The following PSMA3 variants were observed in gnomAD, a reference collection of about 807,000 sequenced individuals.
PSMA3 encodes the protein proteasome 20S subunit alpha 3.
Under a neutral mutation model 40.0 loss-of-function variants are expected in PSMA3, and 8 were observed. The ratio of observed to expected loss-of-function variants is 0.20; its 90% CI spans 0.12 to 0.36. The LOEUF is 0.36. Ranked by LOEUF, PSMA3 falls within the 10% of genes least tolerant of loss-of-function variation. The pLI, the probability that PSMA3 is intolerant of heterozygous loss-of-function variation, is 1.00. For synonymous variants in PSMA3, 110 were observed against 100.0 expected, an observed-to-expected ratio of 1.10 and a Z score of -0.59; for missense variants, 219 against 310.6, an observed-to-expected ratio of 0.70 and a Z score of 2.22.
chr14:58,255,944 C>A (rs1305708581), intron 3 of PSMA3, among the ~76,000 whole-genome samples: 1 of 152,054 alleles, frequency 6.6e-6, no homozygotes, highest in African/African-American at 2.4e-5. Flanking sequence ...CTGCAGCCTC[C>A]GCCTCCCGAG....
chr14:58,249,350 T>A (rs965008815), intron 2 of PSMA3, among the ~76,000 whole-genome samples: 56 of 152,204 alleles, frequency 3.7e-4, no homozygotes, highest in African/African-American at 1.3e-3. Context: ...TAAAAAAAAA[T>A]GTTTATTTAT....
intron 2 of PSMA3, among the ~76,000 whole-genome samples, chr14:58,249,165 G>A (rs1034263258): frequency 1.3e-5 from 2 of 151,780 alleles, no homozygotes; most frequent in African/African-American, 2.4e-5. Context: ...TCTCCATGTT[G>A]GTCAGGCTGG....
intron 3 of PSMA3, among the ~76,000 whole-genome samples, chr14:58,253,400 T>G (rs1045600285): frequency 5.3e-5 from 8 of 152,192 alleles, no homozygotes; most frequent in African/African-American, 1.7e-4. Flanking sequence ...AAAAGACACC[T>G]TATATGACCC....
chr14:58,246,777 T>C (rs929159276), intron 1 of PSMA3, among the ~76,000 whole-genome samples: 5 of 152,240 alleles, frequency 3.3e-5, no homozygotes, highest in African/African-American at 1.2e-4. Context: ...TCGTCTAAGC[T>C]ACTACCGCTA....
intron 2 of PSMA3, among the ~76,000 whole-genome samples, chr14:58,249,466 A>G (rs1055554812): frequency 6.6e-6 from 1 of 152,196 alleles, no homozygotes; most frequent in South Asian, 2.1e-4. Flanking sequence ...ATGGGATTAC[A>G]GGTGTGAGTC....
chr14:58,247,810 A>G lies in PSMA3; in HGVS notation c.82A>G (p.Met28Val), dbSNP rs745370797. 8 of 1,603,418 alleles carry G rather than the reference A, an allele frequency of 5.0e-6. No homozygotes were observed. The highest frequency in any genetic ancestry group is 6.0e-6 in the Non-Finnish European group (7 of 1,171,082). Residue 28 changes from methionine (M) to valine (V), a missense_variant, in exon 2 of 11, where the codon ATG becomes GTG. By Grantham distance (21) the Met-to-Val change is conservative (BLOSUM62 1). Coordinates refer to ENST00000216455, the MANE Select transcript of PSMA3 (RefSeq NM_002788.4). The part of the protein sequence containing the change: ...DGRVFQVEYA[M>V]KAVENSSTAI... Reference sequence around the variant, plus strand: ...AAGAGTTTTTCAAGTTGAATATGCTATGAAGGCTGTGGAAAATAGTAGGTA... The same window carrying G: ...AAGAGTTTTTCAAGTTGAATATGCTGTGAAGGCTGTGGAAAATAGTAGGTA...
Position 58,259,475 on chromosome 14 carries a change from C to T in PSMA3, c.405-1473C>T, listed in dbSNP as rs1200604010. Among the ~76,000 whole-genome samples, 5 of 152,170 alleles carry T rather than the reference C, an allele frequency of 3.3e-5. No individual in the cohort carries two copies. The East Asian group carries it at 5.8e-4, about 18-fold the overall frequency. ...GATTACAAGCACCTGCCACCACGCC[C>T]GGCTAATTTTTTTATTTTTAGTACA... is the stretch of plus-strand genomic sequence containing the variant. On this transcript the variant is annotated intron_variant, in intron 5 of 10. Transcript: ENST00000216455.
chr14:58,252,378 A>G, intron 3 of PSMA3, 136 bp downstream of exon 3: 1 of 1,170,808 alleles, frequency 8.5e-7, no homozygotes, highest in African/African-American at 1.6e-5. Context: ...GTCCAGTAGA[A>G]AGGCAGCATT....
intron 2 of PSMA3, among the ~76,000 whole-genome samples, chr14:58,249,785 T>C (rs1889964080): frequency 6.6e-6 from 1 of 152,284 alleles, no homozygotes; most frequent in African/African-American, 2.4e-5. Context: ...GTATTATAGG[T>C]GTGAGCCACC....
intron 2 of PSMA3, among the ~76,000 whole-genome samples, chr14:58,248,742 G>T (rs1889934211): frequency 6.6e-6 from 1 of 151,374 alleles, no homozygotes; most frequent in African/African-American, 2.4e-5. Context: ...ATCACCTGAG[G>T]TCAGGAGTTT....
chr14:58,246,727 TTACTC>T (rs941695776), intron 1 of PSMA3, among the ~76,000 whole-genome samples: 5 of 152,180 alleles, frequency 3.3e-5, no homozygotes, highest in African/African-American at 7.2e-5. Context: ...TTTTTATATT[TTACTC>T]TACTCTCAAA....
intron 5 of PSMA3, 117 bp from the exon 6 acceptor site, chr14:58,260,831 A>T: frequency 1.6e-6 from 1 of 627,594 alleles, no homozygotes; most frequent in Non-Finnish European, 2.8e-6. Flanking sequence ...TTACTGAGTT[A>T]TATGTGTATT....
chr14:58,259,493 T>G (rs1485420789), intron 5 of PSMA3, among the ~76,000 whole-genome samples: 1 of 152,116 alleles, frequency 6.6e-6, no homozygotes, highest in Non-Finnish European at 1.5e-5. Flanking sequence ...TTTTTTATTT[T>G]TAGTACAGTC....
At chr14:58,261,370 GC>G in intron 6 of PSMA3, among the ~76,000 whole-genome samples, 1 of 151,844 alleles carries the variant, frequency 6.6e-6, no homozygotes, top group Non-Finnish European at 1.5e-5. Context: ...GTAGAAACAG[GC>G]CTTTGCCATG....
intron 7 of PSMA3, chr14:58,265,746 T>C (rs1185609794): frequency 2.6e-5 from 4 of 152,234 alleles, no homozygotes; most frequent in African/African-American, 9.6e-5. Flanking sequence ...CTTTTTAGGA[T>C]GCAATTAATT....
At chr14:58,255,183 G>A (rs1890115562) in intron 3 of PSMA3, among the ~76,000 whole-genome samples, 1 of 75,728 alleles carries the variant, frequency 1.3e-5, no homozygotes, top group African/African-American at 5.3e-5. Context: ...AAACTTAGTA[G>A]CCGTTTTTTT....
chr14:58,245,078 T>TG, intron 1 of PSMA3, 137 bp downstream of exon 1: 1 of 1,113,816 alleles, frequency 9.0e-7, no homozygotes. Context: ...TGCAGCTGTT[T>TG]GGAGACCGGT....
chr14:58,245,010 C>T (rs531933034), intron 1 of PSMA3, 69 bp downstream of exon 1: 7 of 1,607,924 alleles, frequency 4.4e-6, no homozygotes, highest in South Asian at 1.1e-5. Flanking sequence ...TCGGACAGAC[C>T]ACATGGGGTT....
At chr14:58,251,286 TTG>T (rs371042969) in intron 2 of PSMA3, among the ~76,000 whole-genome samples, 4 of 151,844 alleles carry the variant, frequency 2.6e-5, no homozygotes, top group African/African-American at 2.4e-5. Context: ...TTACTTGAGG[TTG>T]TGTGTGTGTG....
Sources: gnomAD v4.1 joint callset for allele counts (sites outside exome capture counted in the v4.1 genomes callset) on GRCh38, gnomAD v4.1.1 for gene constraint, MANE v1.5 for transcripts, NCBI Gene and HGNC (gene_info 2026-07-23, HGNC 2026-07-21) for gene names.